The following RDH13 variants were observed in gnomAD, a reference collection of about 807,000 sequenced individuals.
RDH13 encodes the protein retinol dehydrogenase 13 (all-trans and 9-cis).
Under a neutral mutation model 28.3 loss-of-function variants are expected in RDH13, and 35 were observed. The observed-to-expected ratio is 1.24, with a 90% CI of 0.95 to 1.64. The LOEUF is 1.64. Among genes scored for constraint, RDH13 ranks in the 40% most tolerant of loss-of-function variants. RDH13 has a pLI of 0.00. For missense variants in RDH13, 514 were observed against 446.3 expected, an observed-to-expected ratio of 1.15 and a Z score of -1.37; for synonymous variants, 229 against 198.5, an observed-to-expected ratio of 1.15 and a Z score of -1.29.
chr19:55,064,484 A>G (rs1159212694), upstream of RDH13: 2 of 152,120 alleles, frequency 1.3e-5, no homozygotes, highest in African/African-American at 4.8e-5. Flanking sequence ...TAAACCAGTT[A>G]CACAATGCCA....
intron 3 of RDH13, among the ~76,000 whole-genome samples, chr19:55,049,140 C>G (rs772486308): frequency 1.3e-5 from 2 of 152,174 alleles, no homozygotes; most frequent in Non-Finnish European, 1.5e-5. Flanking sequence ...CTGCCGGCTT[C>G]CGGAACCGTG....
At chr19:55,049,967 T>C (rs575690495) in intron 3 of RDH13, among the ~76,000 whole-genome samples, 72 of 150,162 alleles carry the variant, frequency 4.8e-4, no homozygotes, top group African/African-American at 1.7e-3. Context: ...GCTGTCTCTT[T>C]TTTTTTTTTC....
At chr19:55,063,216 T>A (rs1278358630), upstream of RDH13, 1 of 459,662 alleles carries the variant, frequency 2.2e-6, no homozygotes, top group Non-Finnish European at 3.7e-6. Context: ...GGGGCGGGGA[T>A]CCTAGGGACG....
At chr19:55,063,390 G>T, upstream of RDH13, 1 of 286,982 alleles carries the variant, frequency 3.5e-6, no homozygotes, top group Non-Finnish European at 6.5e-6. Context: ...AAATAGGTTC[G>T]AATCCCACCA....
chr19:55,051,848 T>A (rs1330833597), intron 3 of RDH13, among the ~76,000 whole-genome samples: 2 of 151,430 alleles, frequency 1.3e-5, no homozygotes, highest in Admixed American at 6.6e-5. Flanking sequence ...TCCTCCCACC[T>A]CAGCCTTCCA....
intron 3 of RDH13, among the ~76,000 whole-genome samples, chr19:55,051,363 A>G (rs2075426246): frequency 6.6e-6 from 1 of 152,100 alleles, no homozygotes; most frequent in South Asian, 2.1e-4. Context: ...CGGGACAGGG[A>G]GACTCCACTC....
upstream of RDH13, among the ~76,000 whole-genome samples, chr19:55,066,637 C>T (rs12977351): frequency 6.8e-6 from 1 of 147,250 alleles, no homozygotes; most frequent in Non-Finnish European, 1.5e-5. Flanking sequence ...TCTCTCCTCT[C>T]TCTCTCCCTC....
At chr19:55,043,070 T>C (rs1434399244), downstream of RDH13, 1 of 152,240 alleles carries the variant, frequency 6.6e-6, no homozygotes, top group East Asian at 1.9e-4. Context: ...ACTCAGGTCA[T>C]CCCAAACACA....
chr19:55,043,507 T>TA (rs2075098529), downstream of RDH13, among the ~76,000 whole-genome samples: 1 of 78,358 alleles, frequency 1.3e-5, no homozygotes, highest in East Asian at 6.2e-4. Context: ...AACATGGTGA[T>TA]ACCGTCTTTA....
chr19:55,066,727 C>G (rs80257384), upstream of RDH13, among the ~76,000 whole-genome samples: 474 of 150,534 alleles, frequency 3.1e-3, 4 homozygotes, highest in African/African-American at 9.5e-3. Flanking sequence ...TTGTGTGTGT[C>G]TCTCTCTCTC....
rs915192290 is a variant in RDH13, at chr19:55,062,086, C to T, written c.65+882G>A. 6.6e-5 allele frequency among the ~76,000 whole-genome samples: 10 copies of T among 151,688 alleles called. No individual in the cohort carries two copies. The South Asian group carries it at 8.3e-4, about 13-fold the overall frequency. On this transcript the variant is annotated intron_variant, in intron 1 of 6. Transcript: ENST00000415061. The stretch of plus-strand genomic sequence containing the variant: ...GAGCCGAGGTCGTGCCATTGCACTC[C>T]AGCCTGGGCAACAACAGCGAAACTC...
upstream of RDH13, among the ~76,000 whole-genome samples, chr19:55,066,996 T>C (rs2075975161): frequency 6.6e-6 from 1 of 152,148 alleles, no homozygotes; most frequent in African/African-American, 2.4e-5. Context: ...TGGTAGGTTT[T>C]TGAGTAAAAT....
downstream of RDH13, among the ~76,000 whole-genome samples, chr19:55,039,933 T>C (rs115724559): frequency 3.1e-3 from 471 of 152,302 alleles, 3 homozygotes; most frequent in African/African-American, 0.011. Context: ...TATTCCGGAC[T>C]TGACAGATAA....
downstream of RDH13, among the ~76,000 whole-genome samples, chr19:55,043,470 G>A (rs1209916114): frequency 6.6e-6 from 1 of 151,672 alleles, no homozygotes; most frequent in Non-Finnish European, 1.5e-5. Context: ...GATCACCTGA[G>A]GTCAGGAGTT....
chr19:55,039,259 C>A (rs755142207), exon 3 of RDH13: 8 of 152,252 alleles, frequency 5.3e-5, no homozygotes, highest in Non-Finnish European at 1.2e-4. Flanking sequence ...CAGCCAGGCA[C>A]AGTGGCTCAC....
chr19:55,047,519 A>G, intron 5 of RDH13, 31 bp from the exon 6 acceptor site: 3 of 1,583,638 alleles, frequency 1.9e-6, no homozygotes, highest in African/African-American at 1.3e-5. Flanking sequence ...AGACTGAGGG[A>G]GGGGTCCAGC....
intron 3 of RDH13, chr19:55,053,672 C>CAAAT: frequency 7.5e-6 from 1 of 132,936 alleles, no homozygotes; most frequent in African/African-American, 2.9e-5. Flanking sequence ...AAAAAAAAAC[C>CAAAT]CCTCTAGAGA....
intron 2 of RDH13, among the ~76,000 whole-genome samples, chr19:55,057,420 A>C (rs966311925): frequency 7.7e-5 from 11 of 142,556 alleles, no homozygotes; most frequent in Non-Finnish European, 1.2e-4. Flanking sequence ...AGGCAAGAGG[A>C]TTCCCCATCC....
At chr19:55,050,755 G>C (rs1156962575) in intron 3 of RDH13, 1 of 152,094 alleles carries the variant, frequency 6.6e-6, no homozygotes, top group Admixed American at 6.6e-5. Flanking sequence ...ACCTATCCTT[G>C]GGGGTGGAGG....
Sources: allele counts gnomAD v4.1 joint callset (sites outside exome capture counted in the v4.1 genomes callset), GRCh38; gene constraint gnomAD v4.1.1; transcripts MANE v1.5; gene names NCBI Gene and HGNC (gene_info 2026-07-23, HGNC 2026-07-21).